The following CACNA2D3 variants were observed in gnomAD, a reference collection of about 807,000 sequenced individuals.
CACNA2D3 encodes the protein voltage-dependent calcium channel subunit alpha-2/delta-3.
A neutral mutation model predicts 160.6 loss-of-function variants in CACNA2D3; 60 were observed. The ratio of observed to expected loss-of-function variants is 0.37; its 90% CI spans 0.30 to 0.46. The LOEUF (loss-of-function observed/expected upper bound fraction) is 0.46. Among genes scored for constraint, CACNA2D3 ranks in the 20% least tolerant of loss-of-function variants. The probability of loss-of-function intolerance (pLI) is 1.00; values close to 1 mark genes in which losing one functional copy is unlikely to be tolerated. For missense variants in CACNA2D3, 1,205 were observed against 1,365.0 expected (o/e 0.88, Z 1.85); for synonymous variants, 558 against 492.9 (o/e 1.13, Z -1.75).
chr3:55,034,219 T>C lies in CACNA2D3; in HGVS notation c.2987+15902T>C, dbSNP rs1447580461. Reference sequence around the variant, plus strand: ...ATATTCATACCAACACGGTGTGTTATGAAATGTTCTGCTCTTTTTCAGTCT... The same window carrying C: ...ATATTCATACCAACACGGTGTGTTACGAAATGTTCTGCTCTTTTTCAGTCT... On this transcript the variant is annotated intron_variant, in intron 35 of 37. Coordinates refer to ENST00000474759, the MANE Select transcript of CACNA2D3 (RefSeq NM_018398.3). Among the ~76,000 whole-genome samples, 3 of 152,100 alleles carry C rather than the reference T, an allele frequency of 2.0e-5. No homozygotes were observed. In the South Asian group the frequency reaches 6.2e-4, roughly 32 times the overall value.
At chr3:54,520,387 G>A (rs1454291829) in intron 5 of CACNA2D3, among the ~76,000 whole-genome samples, 1 of 152,150 alleles carries the variant, frequency 6.6e-6, no homozygotes, top group Non-Finnish European at 1.5e-5. Context: ...GCTAATTTCT[G>A]GATGATGCTC....
At chr3:54,405,185 C>T (rs1035612713) in intron 4 of CACNA2D3, among the ~76,000 whole-genome samples, 4 of 150,848 alleles carry the variant, frequency 2.7e-5, no homozygotes, top group African/African-American at 9.8e-5. Context: ...ATCAAAATCC[C>T]AATGGCATTC....
intron 4 of CACNA2D3, among the ~76,000 whole-genome samples, chr3:54,402,775 A>G (rs1194303887): frequency 1.3e-5 from 2 of 152,206 alleles, no homozygotes; most frequent in Non-Finnish European, 2.9e-5. Flanking sequence ...TCAGAAAAAA[A>G]TGGACTTAAC....
intron 20 of CACNA2D3, among the ~76,000 whole-genome samples, chr3:54,880,408 G>A (rs532696036): frequency 1.5e-4 from 23 of 152,308 alleles, no homozygotes; most frequent in African/African-American, 5.1e-4. Flanking sequence ...TCAATTTCCC[G>A]AGTCCCAAAG....
At chr3:54,470,780 C>G (rs1259980761) in intron 4 of CACNA2D3, among the ~76,000 whole-genome samples, 1 of 152,116 alleles carries the variant, frequency 6.6e-6, no homozygotes, top group East Asian at 1.9e-4. Context: ...TCTGATAAAA[C>G]AGACTTTAAA....
chr3:54,665,741 G>A (rs1700054400), intron 11 of CACNA2D3, among the ~76,000 whole-genome samples: 1 of 151,434 alleles, frequency 6.6e-6, no homozygotes, highest in South Asian at 2.1e-4. Flanking sequence ...AGTAAGGGTT[G>A]TAGCGATGGG....
rs1559563750 is a variant in CACNA2D3 at position 54,736,100 on chromosome 3, CATATATAT to C, written c.1168-16498_1168-16491del. ...ATATATATGTATGTGTATATATATA[CATATATAT>C]GTATATATATACATATATATATGTA... On this transcript the variant is annotated intron_variant, in intron 11 of 37. Transcript: ENST00000474759. 2.2e-3 allele frequency among the ~76,000 whole-genome samples: 105 copies of C among 47,734 alleles called. 1 individual carries two copies. Among genetic ancestry groups the C allele is most frequent in the African/African-American group, 9.8e-3 (99 of 10,116 alleles). The allele number at this position is 47,734 out of a possible 152,430, so 31.3% of individuals were successfully genotyped here.
chr3:54,559,183 G>A (rs373192313), intron 5 of CACNA2D3, among the ~76,000 whole-genome samples: 18 of 152,204 alleles, frequency 1.2e-4, no homozygotes, highest in African/African-American at 4.3e-4. Flanking sequence ...AAAAGAAAAA[G>A]TGAACCATCA....
chr3:54,512,939 C>T (rs7372624), intron 5 of CACNA2D3, among the ~76,000 whole-genome samples: 46,841 of 152,038 alleles, frequency 0.31, 7,643 homozygotes, highest in East Asian at 0.45. Context: ...CTTACATGGA[C>T]GGCAGCAGGC....
chr3:54,959,875 G>T (rs950994016), intron 27 of CACNA2D3, among the ~76,000 whole-genome samples: 6 of 152,100 alleles, frequency 3.9e-5, no homozygotes, highest in Non-Finnish European at 2.9e-5. Flanking sequence ...AGGGAATATA[G>T]GTTTCTTCAG....
rs2107157365 is a variant in CACNA2D3, at chr3:55,018,174, CTTTACCTTTTTTTT to C, written c.2876-30_2876-17del. The C allele has an allele frequency of 2.8e-6, 4 of 1,441,504 alleles. No individual in the cohort carries two copies. Among genetic ancestry groups the C allele is most frequent in the Non-Finnish European group, 3.9e-6 (4 of 1,028,822 alleles). 89.3% of individuals were successfully genotyped at this position (1,441,504 alleles called of 1,614,324 possible). ...CAATTTTGAGCCTGTGCCTTGCATT[CTTTACCTTTTTTTT>C]TCCCACTATCCCTACAGCCCAGAAA... On this transcript the variant is annotated intron_variant, in intron 34 of 37. Coordinates refer to ENST00000474759, the MANE Select transcript of CACNA2D3 (RefSeq NM_018398.3).
At chr3:55,014,337 ACTT>A (rs576071777) in intron 34 of CACNA2D3, among the ~76,000 whole-genome samples, 1 of 152,222 alleles carries the variant, frequency 6.6e-6, no homozygotes, top group South Asian at 2.1e-4. Flanking sequence ...CTCATTTTTC[ACTT>A]CTTGTAAAAG....
intron 17 of CACNA2D3, among the ~76,000 whole-genome samples, chr3:54,851,219 A>G (rs901815636): frequency 2.0e-5 from 3 of 152,196 alleles, no homozygotes; most frequent in Non-Finnish European, 2.9e-5. Context: ...TTGAATAGCA[A>G]GCCTAGGATA....
Position 54,503,586 on chromosome 3 carries a change from A to G in CACNA2D3, c.476A>G (p.His159Arg). Residue 159 changes from histidine (H) to arginine (R), a missense_variant, in exon 5 of 38, where the codon CAT becomes CGT. Physicochemically the swap from His to Arg is conservative, Grantham distance 29 (BLOSUM62 0). Transcript: ENST00000474759. Reference protein sequence around the residue: ...GKEFILAPNDHFNNLPVNISL... With the variant: ...GKEFILAPNDRFNNLPVNISL... ...GAATTCATCTTAGCCCCAAATGACC[A>G]TTTTAATAATTTGCCTGTGAACATC... 6.2e-7 allele frequency: 1 copy of G among 1,613,858 alleles called. No homozygotes were observed. The highest frequency in any genetic ancestry group is 8.5e-7 in the Non-Finnish European group (1 of 1,179,760).
intron 27 of CACNA2D3, among the ~76,000 whole-genome samples, chr3:54,957,544 C>G (rs111530337): frequency 3.9e-5 from 6 of 152,128 alleles, no homozygotes; most frequent in African/African-American, 1.4e-4. Flanking sequence ...TACTTGGAAG[C>G]CAAAGCATGT....
intron 14 of CACNA2D3, among the ~76,000 whole-genome samples, chr3:54,819,239 C>G (rs1703530803): frequency 6.6e-6 from 1 of 152,224 alleles, no homozygotes; most frequent in Admixed American, 6.5e-5. Context: ...CTTAACCTCT[C>G]TAAGCCTACA....
chr3:54,669,555 A>T (rs1272335895), intron 11 of CACNA2D3, among the ~76,000 whole-genome samples: 4 of 152,196 alleles, frequency 2.6e-5, no homozygotes, highest in African/African-American at 9.7e-5. Flanking sequence ...GGAAGTATAA[A>T]AGTGGACTGG....
chr3:54,918,650 G>A (rs141801857), intron 27 of CACNA2D3: 116 of 1,614,028 alleles, frequency 7.2e-5, no homozygotes, highest in African/African-American at 4.0e-5. Context: ...ATGGCATGAC[G>A]CAGGTTGGCC....
At chr3:54,470,181 G>A (rs1196653689) in intron 4 of CACNA2D3, among the ~76,000 whole-genome samples, 1 of 152,220 alleles carries the variant, frequency 6.6e-6, no homozygotes, top group African/African-American at 2.4e-5. Flanking sequence ...CAGCCAGAGA[G>A]AAAGGTTGGG....
Sources: gnomAD v4.1 joint callset for allele counts (sites outside exome capture counted in the v4.1 genomes callset) on GRCh38, gnomAD v4.1.1 for gene constraint, MANE v1.5 for transcripts, NCBI Gene and HGNC (gene_info 2026-07-23, HGNC 2026-07-21) for gene names.